Variants in PTPRG observed in about 807,000 individuals in gnomAD.
The protein encoded by PTPRG is receptor-type tyrosine-protein phosphatase gamma.
In PTPRG, 102 loss-of-function variants were observed where a neutral mutation model predicts 165.3. The ratio of observed to expected loss-of-function variants is 0.62; its 90% confidence interval spans 0.53 to 0.73. The LOEUF (loss-of-function observed/expected upper bound fraction) is 0.73, where lower values mean the gene tolerates loss of function less well. PTPRG is among the 30% of genes least tolerant of loss of function. The pLI is 0.00. For synonymous variants in PTPRG, 675 were observed against 669.5 expected (o/e 1.01, Z -0.13); for missense variants, 1,866 against 1,861.4 (o/e 1.00, Z -0.05).
intron 1 of PTPRG, among the ~76,000 whole-genome samples, chr3:61,721,723 T>A (rs1448456125): frequency 6.6e-6 from 1 of 152,168 alleles, no homozygotes; most frequent in African/African-American, 2.4e-5. Context: ...GGCTGCCATG[T>A]AAGCAAAATC....
At chr3:61,565,636 T>A (rs2106757443) in intron 1 of PTPRG, among the ~76,000 whole-genome samples, 1 of 151,636 alleles carries the variant, frequency 6.6e-6, no homozygotes, top group Non-Finnish European at 1.5e-5. Context: ...ATTTTTGTCT[T>A]TCGGCCCTCA....
chr3:61,685,319 G>T (rs1703588955), intron 1 of PTPRG, among the ~76,000 whole-genome samples: 1 of 152,210 alleles, frequency 6.6e-6, no homozygotes, highest in Non-Finnish European at 1.5e-5. Flanking sequence ...TGGTTAGAAA[G>T]GAAGTCTGAC....
intron 1 of PTPRG, among the ~76,000 whole-genome samples, chr3:61,719,607 A>G (rs1379571954): frequency 6.6e-6 from 1 of 152,094 alleles, no homozygotes. Context: ...GCCCTTTCCT[A>G]TTATGGTTCC....
chr3:61,632,085 G>A (rs1039533845), intron 1 of PTPRG, among the ~76,000 whole-genome samples: 1 of 152,124 alleles, frequency 6.6e-6, no homozygotes, highest in Non-Finnish European at 1.5e-5. Flanking sequence ...TGGGCAGATT[G>A]CTTGAACCCA....
intron 5 of PTPRG, among the ~76,000 whole-genome samples, chr3:62,108,739 A>G (rs979566057): frequency 6.6e-6 from 1 of 152,116 alleles, no homozygotes; most frequent in South Asian, 2.1e-4. Flanking sequence ...TCCCCATTCT[A>G]ACTGGTGTGA....
At chr3:62,066,970 G>T (rs1214627205) in intron 4 of PTPRG, among the ~76,000 whole-genome samples, 1 of 150,542 alleles carries the variant, frequency 6.6e-6, no homozygotes, top group Non-Finnish European at 1.5e-5. Context: ...CTCAGGAGGA[G>T]GAGGTTGCAG....
intron 5 of PTPRG, among the ~76,000 whole-genome samples, chr3:62,108,397 G>A (rs1270092433): frequency 3.9e-5 from 6 of 152,186 alleles, no homozygotes; most frequent in Non-Finnish European, 7.3e-5. Context: ...TGGCTGCATA[G>A]TATTCCATGG....
intron 26 of PTPRG, among the ~76,000 whole-genome samples, chr3:62,279,144 C>T (rs368189967): frequency 2.0e-5 from 3 of 151,980 alleles, no homozygotes; most frequent in African/African-American, 7.2e-5. Context: ...TCTCTGAGTT[C>T]TTTTTGTTTG....
At chr3:62,153,250 C>T (rs1704402780) in intron 6 of PTPRG, among the ~76,000 whole-genome samples, 1 of 152,244 alleles carries the variant, frequency 6.6e-6, no homozygotes, top group Non-Finnish European at 1.5e-5. Context: ...TGGTCAGCCA[C>T]ATGCTTGCCT....
intron 27 of PTPRG, 81 bp downstream of exon 27, chr3:62,281,790 C>T: frequency 2.3e-6 from 3 of 1,330,994 alleles, no homozygotes; most frequent in African/African-American, 3.0e-5. Context: ...AATAATTTAC[C>T]ACCCTCAAGC....
chr3:61,658,155 A>G (rs913325243), intron 1 of PTPRG, among the ~76,000 whole-genome samples: 3 of 152,272 alleles, frequency 2.0e-5, no homozygotes, highest in Admixed American at 6.5e-5. Flanking sequence ...GTTCTGGCAC[A>G]TATTTGACGG....
intron 10 of PTPRG, among the ~76,000 whole-genome samples, chr3:62,197,140 C>T (rs1699985432): frequency 6.6e-6 from 1 of 152,146 alleles, no homozygotes; most frequent in Admixed American, 6.5e-5. Flanking sequence ...GAGAATGTTT[C>T]TTAACTGCTT....
intron 2 of PTPRG, among the ~76,000 whole-genome samples, chr3:61,887,842 A>G (rs2038095769): frequency 6.6e-6 from 1 of 152,164 alleles, no homozygotes; most frequent in Non-Finnish European, 1.5e-5. Flanking sequence ...ACTCATCTAT[A>G]TTGCTGAGGT....
intron 6 of PTPRG, among the ~76,000 whole-genome samples, chr3:62,141,532 A>G (rs1409934972): frequency 2.6e-5 from 4 of 152,200 alleles, no homozygotes; most frequent in East Asian, 1.9e-4. Flanking sequence ...CCCAGGAGGC[A>G]GAGGTTTAGT....
chr3:62,038,194 C>T (rs1383091502), intron 4 of PTPRG, among the ~76,000 whole-genome samples: 1 of 152,084 alleles, frequency 6.6e-6, no homozygotes, highest in Non-Finnish European at 1.5e-5. Flanking sequence ...TGATTGATCC[C>T]AAGATGTGTA....
intron 2 of PTPRG, among the ~76,000 whole-genome samples, chr3:61,897,178 G>T (rs114463118): frequency 1.3e-5 from 2 of 151,898 alleles, no homozygotes; most frequent in Non-Finnish European, 2.9e-5. Context: ...TTAGCCCTAC[G>T]TTACCAAGAT....
chr3:61,924,647 A>T (rs2039161564), intron 2 of PTPRG, among the ~76,000 whole-genome samples: 1 of 152,224 alleles, frequency 6.6e-6, no homozygotes, highest in South Asian at 2.1e-4. Context: ...GAAACAGAAG[A>T]TGGGATGAAG....
At chr3:62,024,326 C>A (rs772515816) in intron 4 of PTPRG, among the ~76,000 whole-genome samples, 1 of 152,098 alleles carries the variant, frequency 6.6e-6, no homozygotes, top group African/African-American at 2.4e-5. Context: ...TTACAGAACT[C>A]CCATCTCCCC....
intron 4 of PTPRG, among the ~76,000 whole-genome samples, chr3:62,025,697 T>A (rs1166424203): frequency 1.3e-5 from 2 of 152,220 alleles, no homozygotes; most frequent in African/African-American, 4.8e-5. Flanking sequence ...AATTCTTTTA[T>A]GAACTAATGT....
Sources: allele counts gnomAD v4.1 joint callset (sites outside exome capture counted in the v4.1 genomes callset), GRCh38; gene constraint gnomAD v4.1.1; transcripts MANE v1.5; gene names NCBI Gene and HGNC (gene_info 2026-07-23, HGNC 2026-07-21).